Variants in FAF1 observed in about 807,000 individuals in gnomAD.
FAF1 encodes the protein Fas associated factor 1, also known as FAS-associated factor 1.
Under a neutral mutation model 92.5 loss-of-function variants are expected in FAF1, and 25 were observed. That is an observed-to-expected ratio of 0.27 (90% CI 0.20 to 0.38). The LOEUF is 0.38. Among genes scored for constraint, FAF1 ranks in the 10% least tolerant of loss-of-function variants. FAF1 has a pLI of 1.00. For missense variants in FAF1, 636 were observed against 793.3 expected (o/e 0.80, Z 2.38); for synonymous variants, 234 against 273.2 (o/e 0.86, Z 1.42).
intron 4 of FAF1, among the ~76,000 whole-genome samples, chr1:50,778,877 A>G (rs1033985827): frequency 3.9e-5 from 6 of 152,048 alleles, no homozygotes; most frequent in South Asian, 2.1e-4. Flanking sequence ...AGCTTGCTGC[A>G]TCGATTAACT....
rs998135803 is a variant in FAF1 at position 50,663,007 on chromosome 1, C to T, written c.658-7479G>A. On this transcript the variant is annotated intron_variant, in intron 7 of 18. Coordinates refer to ENST00000396153, the MANE Select transcript of FAF1 (RefSeq NM_007051.3). ...CCACCACCCAGCCATGAATTTGTAT[C>T]TTTAGTAAAAGGTCAAACCTGGATT... Among the ~76,000 whole-genome samples the T allele has an allele frequency of 6.6e-5, 10 of 151,604 alleles. 1 individual carries two copies. Among genetic ancestry groups the T allele is most frequent in the African/African-American group, 2.4e-4 (10 of 40,970 alleles).
At chr1:50,655,220 C>T (rs1041923294) in intron 8 of FAF1, among the ~76,000 whole-genome samples, 13 of 152,114 alleles carry the variant, frequency 8.5e-5, no homozygotes, top group Admixed American at 5.2e-4. Context: ...TGGGGTTTCA[C>T]CATGTTGGCC....
chr1:50,507,445 A>T (rs770977354), intron 15 of FAF1, among the ~76,000 whole-genome samples: 24 of 152,214 alleles, frequency 1.6e-4, no homozygotes, highest in Admixed American at 5.9e-4. Context: ...CACTAGGAAG[A>T]TGTTAAGAAT....
chr1:50,586,238 T>C (rs1256911821), intron 9 of FAF1, among the ~76,000 whole-genome samples: 1 of 152,186 alleles, frequency 6.6e-6, no homozygotes, highest in Non-Finnish European at 1.5e-5. Flanking sequence ...AAAGTAGGAC[T>C]ACTCTGGTTG....
At chr1:50,886,281 A>T (rs184031000) in intron 1 of FAF1, among the ~76,000 whole-genome samples, 2 of 152,210 alleles carry the variant, frequency 1.3e-5, no homozygotes, top group African/African-American at 4.8e-5. Context: ...TGTTGATGAA[A>T]TCCCTCCGCT....
At chr1:50,499,705 A>C (rs867171654) in intron 15 of FAF1, among the ~76,000 whole-genome samples, 1 of 152,124 alleles carries the variant, frequency 6.6e-6, no homozygotes, top group African/African-American at 2.4e-5. Flanking sequence ...AAAATAAATA[A>C]CAAGCAACCC....
intron 8 of FAF1, among the ~76,000 whole-genome samples, chr1:50,629,506 C>T (rs1653664791): frequency 6.6e-6 from 1 of 152,048 alleles, no homozygotes; most frequent in African/African-American, 2.4e-5. Flanking sequence ...TCTGACTGTG[C>T]ATAATAGGTA....
chr1:50,927,740 A>G (rs72904771), intron 1 of FAF1, among the ~76,000 whole-genome samples: 10,058 of 152,124 alleles, frequency 0.066, 409 homozygotes, highest in East Asian at 0.094. Flanking sequence ...TTTTCTTACA[A>G]TTCTGAGACT....
chr1:50,546,418 T>C (rs1004721269), intron 13 of FAF1, among the ~76,000 whole-genome samples: 1 of 152,110 alleles, frequency 6.6e-6, no homozygotes, highest in Non-Finnish European at 1.5e-5. Flanking sequence ...TAGGCTGGAG[T>C]GCGGTGGTGC....
At chr1:50,549,403 G>C (rs773484185) in intron 13 of FAF1, among the ~76,000 whole-genome samples, 1 of 152,006 alleles carries the variant, frequency 6.6e-6, no homozygotes, top group East Asian at 1.9e-4. Flanking sequence ...TGAACTCCTG[G>C]GCTCAAGCGA....
chr1:50,617,494 A>G (rs1032205798), intron 8 of FAF1, among the ~76,000 whole-genome samples: 6 of 152,182 alleles, frequency 3.9e-5, no homozygotes, highest in Non-Finnish European at 8.8e-5. Flanking sequence ...CCCAGGGATA[A>G]AGCCTACTTA....
rs193000528 is a variant in FAF1 at position 50,438,728 on chromosome 1, A to T, written c.*2712T>A. The stretch of plus-strand genomic sequence containing the variant: ...CTACTGACCAGCACACTTAGATGTT[A>T]TTATGTGACTAATATGTTTCTAATG... On this transcript the variant is annotated 3_prime_UTR_variant, in exon 19 of 19. Coordinates refer to ENST00000396153, the MANE Select transcript of FAF1 (RefSeq NM_007051.3). 1 of 152,342 alleles carries T rather than the reference A, an allele frequency of 6.6e-6. No individual in the cohort carries two copies. 9.4% of individuals were successfully genotyped at this position (152,342 alleles called of 1,614,324 possible).
chr1:50,932,553 G>C lies in FAF1; in HGVS notation c.45+27214C>G, dbSNP rs561659441. Among the ~76,000 whole-genome samples the C allele has an allele frequency of 6.6e-5, 10 of 152,352 alleles. No individual in the cohort carries two copies. In the South Asian group the frequency reaches 1.9e-3, roughly 28 times the overall value. ...CATGGTCTTGGGCAGCTCCGCGCCT[G>C]TGGCTTTGCAGGGTACAGCCTCCCT... On this transcript the variant is annotated intron_variant, in intron 1 of 18. Transcript: ENST00000396153.
chr1:50,793,386 T>C (rs1385469540), intron 3 of FAF1, among the ~76,000 whole-genome samples: 6 of 152,200 alleles, frequency 3.9e-5, no homozygotes, highest in African/African-American at 7.2e-5. Context: ...ATGATGCTAA[T>C]TACTGGGGAA....
intron 18 of FAF1, chr1:50,451,781 G>A (rs1323335875): frequency 1.0e-6 from 1 of 953,150 alleles, no homozygotes; most frequent in African/African-American, 1.8e-5. Flanking sequence ...CCAGTGAGTG[G>A]AAAGAACTTA....
At chr1:50,940,085 A>AT (rs1361606666) in intron 1 of FAF1, among the ~76,000 whole-genome samples, 1 of 151,684 alleles carries the variant, frequency 6.6e-6, no homozygotes, top group Non-Finnish European at 1.5e-5. Context: ...TAATTTTTGT[A>AT]TTTTTTTGTA....
At chr1:50,472,425 A>ACACACC (rs1250323428) in intron 18 of FAF1, among the ~76,000 whole-genome samples, 2 of 132,682 alleles carry the variant, frequency 1.5e-5, no homozygotes, top group Admixed American at 7.3e-5. Context: ...ACACACACAA[A>ACACACC]CCCCAAAACC....
chr1:50,449,780 G>A (rs376714256), intron 18 of FAF1, among the ~76,000 whole-genome samples: 8 of 151,476 alleles, frequency 5.3e-5, no homozygotes, highest in East Asian at 2.0e-4. Context: ...GAGCCACCGC[G>A]CCTGGCCTAA....
At chr1:50,910,044 C>T (rs1046440502) in intron 1 of FAF1, among the ~76,000 whole-genome samples, 7 of 152,158 alleles carry the variant, frequency 4.6e-5, no homozygotes, top group Admixed American at 2.6e-4. Context: ...ATGATGTTGA[C>T]GTACAGACGG....
Sources: allele counts gnomAD v4.1 joint callset (sites outside exome capture counted in the v4.1 genomes callset), GRCh38; gene constraint gnomAD v4.1.1; transcripts MANE v1.5; gene names NCBI Gene and HGNC (gene_info 2026-07-23, HGNC 2026-07-21).